NEXMIF: variants seen among roughly 807,000 people sequenced by gnomAD.
NEXMIF encodes the protein neurite extension and migration factor, also known as XLMR protein related to neurite extension.
A neutral mutation model predicts 62.1 loss-of-function variants in NEXMIF; 8 were observed. The observed-to-expected ratio is 0.13, with a 90% CI of 0.08 to 0.23. The LOEUF is 0.23. Among genes scored for constraint, NEXMIF ranks in the 10% least tolerant of loss-of-function variants. NEXMIF has a pLI of 1.00. For missense variants in NEXMIF, 976 were observed against 1,113.3 expected, an observed-to-expected ratio of 0.88 and a Z score of 1.75; for synonymous variants, 404 against 416.6, an observed-to-expected ratio of 0.97 and a Z score of 0.37.
chrX:74,800,930 T>G (rs183100508), intron 1 of NEXMIF, among the ~76,000 whole-genome samples: 165 of 111,411 alleles, frequency 1.5e-3, no homozygotes, highest in African/African-American at 5.3e-3. Context: ...TCATACAGAA[T>G]AGTTACACTG....
chrX:74,801,965 G>A (rs865911650), intron 1 of NEXMIF, among the ~76,000 whole-genome samples: 12 of 112,225 alleles, frequency 1.1e-4, no homozygotes, highest in Non-Finnish European at 1.1e-4. Context: ...CATGGGGTGA[G>A]GCTCCTCTGC....
chrX:74,865,179 G>A (rs2080573649), intron 1 of NEXMIF, among the ~76,000 whole-genome samples: 1 of 111,892 alleles, frequency 8.9e-6, no homozygotes, highest in African/African-American at 3.2e-5. Flanking sequence ...GTAAGATGTG[G>A]GAAAGTTTGG....
chrX:74,817,130 C>T (rs1016871040), intron 1 of NEXMIF, among the ~76,000 whole-genome samples: 2 of 111,557 alleles, frequency 1.8e-5, no homozygotes, highest in Non-Finnish European at 3.8e-5. Context: ...GGCTTCTAAC[C>T]TAGACAAAAG....
chrX:74,740,458 G>T lies in NEXMIF; in HGVS notation c.4099C>A (p.Leu1367Ile). 8.3e-7 allele frequency: 1 copy of T among 1,211,188 alleles called. No homozygotes were observed. Among genetic ancestry groups the T allele is most frequent in the Non-Finnish European group, 1.1e-6 (1 of 895,299 alleles). Reference sequence around the variant, plus strand: ...TGTGGTGTCCCAGCCAATATTTTGAGGGTTTTTAATTTTAGACTATTGGAC... The same window carrying T: ...TGTGGTGTCCCAGCCAATATTTTGATGGTTTTTAATTTTAGACTATTGGAC... ...PESNSLKLKT[L>I]KILAGTPQES... Residue 1367 changes from leucine (L) to isoleucine (I), a missense_variant, in exon 3 of 4, where the codon CTC (leucine) becomes ATC (isoleucine). By Grantham distance (5) the Leu-to-Ile change is conservative. This residue lies in a region of NEXMIF where 137 missense variants were observed against 128.9 expected (regional missense o/e 1.06). Coordinates refer to ENST00000055682, the MANE Select transcript of NEXMIF (RefSeq NM_001008537.3).
chrX:74,868,856 A>C (rs1037327096), intron 1 of NEXMIF, among the ~76,000 whole-genome samples: 1 of 111,662 alleles, frequency 9.0e-6, no homozygotes, highest in African/African-American at 3.3e-5. Flanking sequence ...CCAGCAAAGC[A>C]AAGCCAATGA....
chrX:74,886,099 C>A (rs1156620713), intron 1 of NEXMIF, among the ~76,000 whole-genome samples: 2 of 111,910 alleles, frequency 1.8e-5, no homozygotes, highest in African/African-American at 3.3e-5. Context: ...AATTCAACAG[C>A]CTTTCATGCT....
At chrX:74,881,428 C>A (rs1257355492) in intron 1 of NEXMIF, among the ~76,000 whole-genome samples, 2 of 73,616 alleles carry the variant, frequency 2.7e-5, no homozygotes, top group Non-Finnish European at 2.3e-5. Context: ...ACACACAGAG[C>A]AAATACAGGG....
chrX:74,835,915 T>A (rs982492617), intron 1 of NEXMIF, among the ~76,000 whole-genome samples: 13 of 111,920 alleles, frequency 1.2e-4, no homozygotes, highest in African/African-American at 4.2e-4. Flanking sequence ...GGATTGGAGT[T>A]AAAAAAACAT....
intron 1 of NEXMIF, among the ~76,000 whole-genome samples, chrX:74,858,131 C>T (rs944374382): frequency 2.7e-5 from 3 of 111,994 alleles, no homozygotes; most frequent in African/African-American, 9.7e-5. Flanking sequence ...ACTCGATTTG[C>T]CACCTGTTGA....
intron 1 of NEXMIF, among the ~76,000 whole-genome samples, chrX:74,799,531 ACATG>A (rs764404019): frequency 2.8e-4 from 32 of 112,656 alleles, no homozygotes; most frequent in Middle Eastern, 4.6e-3. Flanking sequence ...GGTCAGCAGC[ACATG>A]CATGCATGCA....
chrX:74,874,732 G>C (rs2080621926), intron 1 of NEXMIF, among the ~76,000 whole-genome samples: 1 of 92,223 alleles, frequency 1.1e-5, no homozygotes, highest in Non-Finnish European at 2.1e-5. Context: ...TGGATTCCTA[G>C]GTATTTTATT....
intron 1 of NEXMIF, among the ~76,000 whole-genome samples, chrX:74,899,598 A>G (rs1185213684): frequency 8.9e-6 from 1 of 112,319 alleles, no homozygotes; most frequent in Non-Finnish European, 1.9e-5. Flanking sequence ...AATAAATAGG[A>G]AGATATCCCA....
chrX:74,802,797 G>A (rs1239214443), intron 1 of NEXMIF, among the ~76,000 whole-genome samples: 7 of 110,964 alleles, frequency 6.3e-5, no homozygotes. Context: ...TTGAGGAAAT[G>A]CAAATAAATT....
intron 1 of NEXMIF, among the ~76,000 whole-genome samples, chrX:74,864,185 C>T (rs2080568724): frequency 1.8e-5 from 2 of 112,216 alleles, no homozygotes; most frequent in African/African-American, 6.5e-5. Context: ...AGGATGTCCT[C>T]TCTCATCACT....
chrX:74,852,317 A>G (rs1422139541), intron 1 of NEXMIF, among the ~76,000 whole-genome samples: 1 of 111,987 alleles, frequency 8.9e-6, no homozygotes, highest in African/African-American at 3.2e-5. Flanking sequence ...CAGATATGTA[A>G]AGCAAATATT....
chrX:74,876,934 A>C (rs2080637551), intron 1 of NEXMIF, among the ~76,000 whole-genome samples: 2 of 111,025 alleles, frequency 1.8e-5, no homozygotes, highest in African/African-American at 6.6e-5. Flanking sequence ...ATGGGTCTTG[A>C]CTCTTTATCC....
intron 1 of NEXMIF, among the ~76,000 whole-genome samples, chrX:74,786,917 A>G (rs1159477599): frequency 9.0e-6 from 1 of 110,625 alleles, no homozygotes; most frequent in Non-Finnish European, 1.9e-5. Flanking sequence ...CCTAAATTAC[A>G]TCAACTGTTT....
At chrX:74,891,683 C>T (rs2080718350) in intron 1 of NEXMIF, among the ~76,000 whole-genome samples, 1 of 112,147 alleles carries the variant, frequency 8.9e-6, no homozygotes, top group African/African-American at 3.2e-5. Context: ...AACCAAGCAA[C>T]TCAAGGTCTG....
At chrX:74,740,014 A>G in intron 3 of NEXMIF, 86 bp downstream of exon 3, 1 of 919,261 alleles carries the variant, frequency 1.1e-6, no homozygotes, top group Non-Finnish European at 1.5e-6. Flanking sequence ...TTTGCTTTCA[A>G]GAGGGAAAAA....
Sources: gnomAD v4.1 joint callset for allele counts (sites outside exome capture counted in the v4.1 genomes callset) on GRCh38, gnomAD v4.1.1 for gene constraint, gnomAD v4.1.1 regional missense constraint, MANE v1.5 for transcripts, NCBI Gene and HGNC (gene_info 2026-07-23, HGNC 2026-07-21) for gene names.